Variants in RYR1 observed in about 807,000 individuals in gnomAD.
RYR1 encodes central core disease of muscle.
RYR1 carries 342 observed loss-of-function variants against 583.5 expected under a neutral mutation model. That is an observed-to-expected ratio of 0.59 (90% CI 0.54 to 0.64). The LOEUF (loss-of-function observed/expected upper bound fraction) is 0.64. Ranked by LOEUF, RYR1 falls within the 30% of genes least tolerant of loss-of-function variation. The probability of loss-of-function intolerance (pLI) is 0.00; values close to 1 mark genes in which losing one functional copy is unlikely to be tolerated. For missense variants in RYR1, 6,032 were observed against 6,917.2 expected (o/e 0.87, Z 4.54); for synonymous variants, 2,791 against 2,822.5 (o/e 0.99, Z 0.35).
chr19:38,468,606 A>G (rs1241035202), intron 25 of RYR1, among the ~76,000 whole-genome samples: 4 of 152,222 alleles, frequency 2.6e-5, no homozygotes, highest in Non-Finnish European at 4.4e-5. Flanking sequence ...ATATAAGCAT[A>G]TATGGATCTG....
chr19:38,510,879 T>C (rs1375452275), intron 60 of RYR1, 98 bp downstream of exon 60: 21 of 1,557,514 alleles, frequency 1.3e-5, no homozygotes, highest in Non-Finnish European at 1.7e-5. Flanking sequence ...TGTTGGGTAC[T>C]GACCGTCTCC....
chr19:38,534,941 C>G, intron 79 of RYR1, 122 bp downstream of exon 79: 1 of 1,178,416 alleles, frequency 8.5e-7, no homozygotes, highest in Non-Finnish European at 1.2e-6. Context: ...TGCACGCACA[C>G]CCCAGCCCTT....
chr19:38,506,962 T>C lies in RYR1; in HGVS notation c.8816+10T>C, dbSNP rs1308463337. 13 of 1,611,572 alleles carry C rather than the reference T, an allele frequency of 8.1e-6. No homozygotes were observed. The highest frequency in any genetic ancestry group is 5.0e-5 in the Admixed American group (3 of 59,896). ...GCTACGCGGTTACAAGGCACGCGGG[T>C]TGGGGCTCCCGCGGAAGAGCAGCAG... is the stretch of plus-strand genomic sequence containing the variant. On this transcript the variant is annotated intron_variant, in intron 57 of 105. Transcript: ENST00000359596.
Position 38,480,436 on chromosome 19 carries a change from G to A in RYR1, c.4620+1836G>A, listed in dbSNP as rs542709105. Among the ~76,000 whole-genome samples the A allele has an allele frequency of 1.1e-4, 17 of 152,106 alleles. No individual in the cohort carries two copies. The South Asian group carries it at 3.1e-3, about 28-fold the overall frequency. On this transcript the variant is annotated intron_variant, in intron 31 of 105. Transcript: ENST00000359596. ...TGGGATGACAGGTATAAGCCACTGC[G>A]CCTGGCTTGTTTCATCTTTTTATAT...
chr19:38,477,147 T>C (rs574287152), intron 29 of RYR1, among the ~76,000 whole-genome samples: 27 of 152,196 alleles, frequency 1.8e-4, no homozygotes, highest in Non-Finnish European at 3.2e-4. Context: ...TTATTTTTTG[T>C]ATTTTTTTAT....
At chr19:38,523,350 CG>C (rs764033251) in intron 69 of RYR1, 41 bp downstream of exon 69, 4 of 1,611,060 alleles carry the variant, frequency 2.5e-6, no homozygotes, top group Non-Finnish European at 3.4e-6. Flanking sequence ...GCAGAGAGGG[CG>C]GGAGCACCCT....
intron 53 of RYR1, 131 bp downstream of exon 53, chr19:38,505,529 G>T (rs1235075542): frequency 3.8e-6 from 3 of 791,104 alleles, no homozygotes; most frequent in Non-Finnish European, 6.4e-6. Context: ...CCCATTCATG[G>T]ACTTTGCCTT....
chr19:38,502,530 G>A lies in RYR1; in HGVS notation c.7638G>A (p.Met2546Ile). The change falls in exon 48 of 106, where the codon ATG (methionine) becomes ATA (isoleucine). Residue 2546 changes from methionine to isoleucine, a missense_variant. This residue lies in a region of RYR1 where 250 missense variants were observed against 162.3 expected (regional missense o/e 1.54). Coordinates refer to ENST00000359596, the MANE Select transcript of RYR1 (RefSeq NM_000540.3). The part of the protein sequence containing the change: ...LDTATFSTTE[M>I]ALALNRYLCL... The stretch of plus-strand genomic sequence containing the variant: ...AGGCCACTTTCAGCACCACCGAGAT[G>A]GCGCTGGCGCTGAACCGCTACCTGT... 8 of 1,609,164 alleles carry A rather than the reference G, an allele frequency of 5.0e-6. No individual in the cohort carries two copies. Among genetic ancestry groups the A allele is most frequent in the Non-Finnish European group, 5.9e-6 (7 of 1,179,754 alleles).
rs73032604 is a variant in RYR1, at chr19:38,518,945, T to G, written c.10019-269T>G. On this transcript the variant is annotated intron_variant, in intron 66 of 105. Transcript: ENST00000359596. Reference sequence around the variant, plus strand: ...TCTGTCTCAAAAAAAAAAAAAAAGTTAGGTAACAGGTGAGGCGTCTGTTGT... The same window carrying G: ...TCTGTCTCAAAAAAAAAAAAAAAGTGAGGTAACAGGTGAGGCGTCTGTTGT... Among the ~76,000 whole-genome samples, 14,954 of 149,160 alleles carry G rather than the reference T, an allele frequency of 0.1. 853 individuals carry two copies. The highest frequency in any genetic ancestry group is 0.24 in the South Asian group (1,128 of 4,734).
intron 89 of RYR1, among the ~76,000 whole-genome samples, chr19:38,552,247 C>T (rs1300011700): frequency 6.6e-6 from 1 of 150,698 alleles, no homozygotes; most frequent in African/African-American, 2.4e-5. Flanking sequence ...CTACCATGCC[C>T]AGCAGGACTG....
rs544312224 is a variant in RYR1, at chr19:38,502,601, C to T, written c.7709C>T (p.Ala2570Val). Residue 2570 changes from alanine to valine, a missense_variant, in exon 48 of 106, where the codon GCG becomes GTG. Around this residue, in one of 11 missense-constraint regions of RYR1, gnomAD observed 250 missense variants for 162.3 expected, o/e 1.54. Transcript: ENST00000359596. ...ATCACCAAGTGTGCGCCGCTCTTTGCGGGCACAGAACACCGCGCCATCATG... is the reference window on the plus strand; with the variant it reads ...ATCACCAAGTGTGCGCCGCTCTTTGTGGGCACAGAACACCGCGCCATCATG... ...PLITKCAPLF[A>V]GTEHRAIMVD... 6 of 1,612,766 alleles carry T rather than the reference C, an allele frequency of 3.7e-6. No homozygotes were observed. Among genetic ancestry groups the T allele is most frequent in the Middle Eastern group, 1.6e-4 (1 of 6,062 alleles).
rs575534589 is a variant in RYR1, at chr19:38,587,513, G to T, written c.*93G>T. 20 of 903,996 alleles carry T rather than the reference G, an allele frequency of 2.2e-5. No homozygotes were observed. The South Asian group carries it at 2.5e-4, about 11-fold the overall frequency. 56.0% of individuals were successfully genotyped at this position (903,996 alleles called of 1,614,324 possible). The stretch of plus-strand genomic sequence containing the variant: ...CAAGCCCCTCCCCCTAAGGCAGCTG[G>T]GGGAGAGGTGACCTAGTACTGGAAA... On this transcript the variant is annotated 3_prime_UTR_variant, in exon 106 of 106. Coordinates refer to ENST00000359596, the MANE Select transcript of RYR1 (RefSeq NM_000540.3).
chr19:38,495,531 G>C (rs1969778659), intron 39 of RYR1, among the ~76,000 whole-genome samples: 1 of 151,988 alleles, frequency 6.6e-6, no homozygotes, highest in East Asian at 1.9e-4. Context: ...TTTTTTTGTA[G>C]AGGTAGGGTC....
At chr19:38,518,084 A>T (rs929589143) in intron 66 of RYR1, among the ~76,000 whole-genome samples, 7 of 151,976 alleles carry the variant, frequency 4.6e-5, no homozygotes, top group Admixed American at 4.6e-4. Flanking sequence ...GCACCACTGT[A>T]CTCCAGCCTG....
At chr19:38,549,355 G>T (rs1568564004) in intron 89 of RYR1, among the ~76,000 whole-genome samples, 1 of 152,126 alleles carries the variant, frequency 6.6e-6, no homozygotes, top group African/African-American at 2.4e-5. Flanking sequence ...AATTTGGGAG[G>T]CCGAGGTGGG....
rs142720065 is a variant in RYR1 at position 38,502,863 on chromosome 19, T to C, written c.7836-17T>C. ...GGCCTGGACGGGGGATTCTACATCTTGTGCATTGTCCCGCAGGTACATCCG... is the reference window on the plus strand; with the variant it reads ...GGCCTGGACGGGGGATTCTACATCTCGTGCATTGTCCCGCAGGTACATCCG... On this transcript the variant is annotated splice_polypyrimidine_tract_variant and intron_variant, in intron 48 of 105. Coordinates refer to ENST00000359596, the MANE Select transcript of RYR1 (RefSeq NM_000540.3). The C allele has an allele frequency of 2.3e-4, 366 of 1,607,072 alleles. 2 individuals carry two copies. The African/African-American group carries it at 4.5e-3, about 20-fold the overall frequency.
At chr19:38,456,467 A>G (rs1967399335) in intron 16 of RYR1, among the ~76,000 whole-genome samples, 1 of 151,428 alleles carries the variant, frequency 6.6e-6, no homozygotes, top group Non-Finnish European at 1.5e-5. Flanking sequence ...ATTTTAGTAG[A>G]GACAGGGTTT....
Position 38,519,375 on chromosome 19 carries a change from G to T in RYR1, c.10180G>T (p.Val3394Leu), listed in dbSNP as rs1600898457. 2 of 1,607,916 alleles carry T rather than the reference G, an allele frequency of 1.2e-6. No individual in the cohort carries two copies. The highest frequency in any genetic ancestry group is 1.7e-6 in the Non-Finnish European group (2 of 1,177,468). ...GGAGGCCCAGGAGGGCGAGCTGCTG[G>T]TGCGGGACGAGTTCTCTGTGCTCTG... ...KAEAQEGELL[V>L]RDEFSVLCRD... The change falls in exon 67 of 106, where the codon GTG becomes TTG. Residue 3394 changes from valine to leucine, a missense_variant. By Grantham distance (32) the Val-to-Leu change is conservative (BLOSUM62 1). Coordinates refer to ENST00000359596, the MANE Select transcript of RYR1 (RefSeq NM_000540.3).
chr19:38,517,848 G>A (rs929151490), intron 66 of RYR1, among the ~76,000 whole-genome samples, 157 bp downstream of exon 66: 4 of 152,312 alleles, frequency 2.6e-5, no homozygotes, highest in South Asian at 4.1e-4. Context: ...GCTGGGCACC[G>A]TGGCTCACAG....
Sources: gnomAD v4.1 joint callset for allele counts (sites outside exome capture counted in the v4.1 genomes callset) on GRCh38, gnomAD v4.1.1 for gene constraint, gnomAD v4.1.1 regional missense constraint, MANE v1.5 for transcripts, NCBI Gene and HGNC (gene_info 2026-07-23, HGNC 2026-07-21) for gene names.